HEATR5A: variants seen among roughly 807,000 people sequenced by gnomAD.
HEATR5A encodes HEAT repeat-containing protein 5A.
Under a neutral mutation model 218.8 loss-of-function variants are expected in HEATR5A, and 178 were observed. The ratio of observed to expected loss-of-function variants is 0.81; its 90% confidence interval spans 0.72 to 0.92. The LOEUF is 0.92. Ranked by LOEUF, HEATR5A falls within the 40% of genes least tolerant of loss-of-function variation. The pLI, the probability that HEATR5A is intolerant of heterozygous loss-of-function variation, is 0.00. For missense variants in HEATR5A, 2,420 were observed against 2,418.9 expected (o/e 1.00, Z -0.01); for synonymous variants, 864 against 871.6 (o/e 0.99, Z 0.15).
chr14:31,387,428 T>C, intron 7 of HEATR5A, 53 bp from the exon 8 acceptor site: 1 of 1,288,000 alleles, frequency 7.8e-7, no homozygotes, highest in Non-Finnish European at 1.1e-6. Context: ...AATTCTGTAT[T>C]CTCCCCCACA....
At chr14:31,329,927 G>A (rs540736429) in intron 22 of HEATR5A, among the ~76,000 whole-genome samples, 18 of 152,290 alleles carry the variant, frequency 1.2e-4, no homozygotes, top group African/African-American at 3.1e-4. Context: ...TGCCCAAGCT[G>A]GTCTTGAACT....
At position 31,293,586 on chromosome 14, in the gene HEATR5A, G is replaced by A. The variant is rs1478492020; in HGVS notation, c.5860C>T (p.Pro1954Ser). The A allele has an allele frequency of 6.2e-7, 1 of 1,611,638 alleles. No homozygotes were observed. Among genetic ancestry groups the A allele is most frequent in the South Asian group, 1.1e-5 (1 of 90,600 alleles). The change falls in exon 36 of 36, where the codon CCC becomes TCC. Residue 1954 changes from proline (P) to serine (S), a missense_variant. Coordinates refer to ENST00000543095, the MANE Select transcript of HEATR5A (RefSeq NM_015473.4). ...TCCAAAAGGAAGGAAATGAGGATGG[G>A]CAAAAGACAGGCCACCAGCTGAGCG... ...HRAQLVACLL[P>S]ILISFLLDEN...
At chr14:31,315,466 T>C (rs1050467697) in intron 27 of HEATR5A, among the ~76,000 whole-genome samples, 6 of 152,204 alleles carry the variant, frequency 3.9e-5, no homozygotes, top group Non-Finnish European at 8.8e-5. Context: ...TGATAGAAGA[T>C]ACAAGGAGAC....
chr14:31,350,415 T>C (rs2139216710), intron 17 of HEATR5A, among the ~76,000 whole-genome samples, 197 bp downstream of exon 17: 1 of 152,308 alleles, frequency 6.6e-6, no homozygotes, highest in Non-Finnish European at 1.5e-5. Context: ...GCAGAGATTA[T>C]AGGTTTGATT....
chr14:31,304,883 G>A, intron 32 of HEATR5A, 22 bp downstream of exon 32: 1 of 1,605,412 alleles, frequency 6.2e-7, no homozygotes, highest in Non-Finnish European at 8.5e-7. Context: ...GTCAAGTCAA[G>A]CAATCACATA....
intron 14 of HEATR5A, among the ~76,000 whole-genome samples, chr14:31,363,878 G>T (rs1230591176): frequency 1.3e-5 from 2 of 152,128 alleles, no homozygotes; most frequent in Non-Finnish European, 2.9e-5. Flanking sequence ...TACCCAGGAG[G>T]CTGAGGTTGG....
At position 31,380,522 on chromosome 14, in the gene HEATR5A, A is replaced by G; in HGVS notation, c.1653T>C (p.Leu551=). 1 of 1,609,176 alleles carries G rather than the reference A, an allele frequency of 6.2e-7. No individual in the cohort carries two copies. Among genetic ancestry groups the G allele is most frequent in the Admixed American group, 1.7e-5 (1 of 59,478 alleles). Residue 551 remains leucine (L), a synonymous_variant, in exon 11 of 36, where the codon CTT becomes CTC. Coordinates refer to ENST00000543095, the MANE Select transcript of HEATR5A (RefSeq NM_015473.4). The part of the protein sequence containing the change: ...LLCSAAQNSR[L]SAQRTQAGWL... ...ATCCAGCTTGTGTGCGCTGAGCTGA[A>G]AGGCGACTGTTTTGAGCAGCAGAAC...
At chr14:31,374,689 A>T in intron 12 of HEATR5A, 127 bp downstream of exon 12, 1 of 821,212 alleles carries the variant, frequency 1.2e-6, no homozygotes, top group Non-Finnish European at 1.8e-6. Flanking sequence ...TTGTTCAGTT[A>T]CAAAAAAAAA....
chr14:31,303,390 G>A (rs979653421), intron 32 of HEATR5A, among the ~76,000 whole-genome samples: 6 of 152,086 alleles, frequency 3.9e-5, no homozygotes, highest in Admixed American at 1.3e-4. Flanking sequence ...CTGAGATCGC[G>A]CCACTGCACT....
chr14:31,383,571 A>G lies in HEATR5A; in HGVS notation c.1546T>C (p.Leu516=), dbSNP rs1250415145. The part of the protein sequence containing the change: ...TGFSFAVAAL[L]GAVKHCPLGI... ...AAAGGACAATGTTTTACTGCTCCCA[A>G]CAAAGCTGCTACAGCAAAACTGAAG... is the stretch of plus-strand genomic sequence containing the variant. Residue 516 remains leucine (L), a synonymous_variant, in exon 10 of 36, where the codon TTG becomes CTG. Coordinates refer to ENST00000543095, the MANE Select transcript of HEATR5A (RefSeq NM_015473.4). 3.1e-6 allele frequency: 5 copies of G among 1,613,960 alleles called. No individual in the cohort carries two copies. Among genetic ancestry groups the G allele is most frequent in the Non-Finnish European group, 4.2e-6 (5 of 1,179,858 alleles).
At chr14:31,350,534 C>A in intron 17 of HEATR5A, 78 bp downstream of exon 17, 1 of 744,152 alleles carries the variant, frequency 1.3e-6, no homozygotes, top group African/African-American at 1.8e-5. Context: ...TTAAAAACAT[C>A]ATCCTCCGAC....
chr14:31,337,387 T>C (rs1900703708), intron 22 of HEATR5A, 89 bp downstream of exon 22: 1 of 1,085,382 alleles, frequency 9.2e-7, no homozygotes, highest in Admixed American at 2.5e-5. Context: ...ATATTAACTT[T>C]TAAACTGTTT....
At position 31,420,476 on chromosome 14, in the gene HEATR5A, G is replaced by C. The variant is rs1304938160; in HGVS notation, c.-79C>G. 2.0e-5 allele frequency: 3 copies of C among 146,762 alleles called. No individual in the cohort carries two copies. Among genetic ancestry groups the C allele is most frequent in the Admixed American group, 2.0e-4 (3 of 14,988 alleles). The allele number at this position is 146,762 out of a possible 1,614,324, so 9.1% of individuals were successfully genotyped here. A position where few individuals can be genotyped will look rare whatever the true frequency, so the allele number is the denominator to read the frequency against. ...CCTGGATCCCCGACTGCCTGCCTTT[G>C]GGGGTCCTCCTCAGCTGAGCGTGCG... On this transcript the variant is annotated 5_prime_UTR_variant, in exon 1 of 36. Transcript: ENST00000543095.
chr14:31,408,770 A>G (rs1182999908), intron 1 of HEATR5A, among the ~76,000 whole-genome samples: 1 of 151,268 alleles, frequency 6.6e-6, no homozygotes, highest in Non-Finnish European at 1.5e-5. Context: ...TACTAATAGA[A>G]AAAGGAACCA....
At chr14:31,323,838 C>A (rs1406741761) in intron 23 of HEATR5A, 34 bp from the exon 24 acceptor site, 4 of 1,344,350 alleles carry the variant, frequency 3.0e-6, no homozygotes, top group South Asian at 1.3e-5. Flanking sequence ...TAATTATAAT[C>A]AACTGAAAGA....
intron 21 of HEATR5A, among the ~76,000 whole-genome samples, chr14:31,337,944 G>A (rs576148362): frequency 6.6e-6 from 1 of 152,270 alleles, no homozygotes; most frequent in African/African-American, 2.4e-5. Context: ...GGATTTAGTT[G>A]CAGTTCATAC....
intron 22 of HEATR5A, chr14:31,334,241 AATG>A: frequency 3.0e-6 from 1 of 335,478 alleles, no homozygotes; most frequent in South Asian, 2.4e-5. Flanking sequence ...CAAGGAGATA[AATG>A]TTGTTTTCAT....
intron 27 of HEATR5A, among the ~76,000 whole-genome samples, chr14:31,314,546 C>T (rs139819232): frequency 0.011 from 1,683 of 152,106 alleles, 29 homozygotes; most frequent in African/African-American, 0.038. Context: ...TGTGAGCTAC[C>T]GTGCCGGCCT....
Position 31,326,175 on chromosome 14 carries a change from C to T in HEATR5A, c.3535G>A (p.Ala1179Thr). 1 of 1,611,156 alleles carries T rather than the reference C, an allele frequency of 6.2e-7. No individual in the cohort carries two copies. The highest frequency in any genetic ancestry group is 8.5e-7 in the Non-Finnish European group (1 of 1,177,474). Residue 1179 changes from alanine to threonine, a missense_variant, in exon 23 of 36, where the codon GCT (alanine) becomes ACT (threonine). Ala to Thr is a moderately conservative substitution (Grantham distance 58). Coordinates refer to ENST00000543095, the MANE Select transcript of HEATR5A (RefSeq NM_015473.4). ...LWLKLCKDVL[A>T]ASADFTAVTC... ...GTCCAATACTTACCAGCTGATGCAG[C>T]AAGTACATCTTTACAAAGCTTTAAC... is the stretch of plus-strand genomic sequence containing the variant.
Sources: gnomAD v4.1 joint callset for allele counts (sites outside exome capture counted in the v4.1 genomes callset) on GRCh38, gnomAD v4.1.1 for gene constraint, MANE v1.5 for transcripts, NCBI Gene and HGNC (gene_info 2026-07-23, HGNC 2026-07-21) for gene names.